The following RB1 variants were observed in gnomAD, a reference collection of about 807,000 sequenced individuals.
RB1 encodes the protein RB transcriptional corepressor 1.
Under a neutral mutation model 135.4 loss-of-function variants are expected in RB1, and 18 were observed. The observed-to-expected ratio is 0.13, with a 90% CI of 0.09 to 0.20. The LOEUF (loss-of-function observed/expected upper bound fraction) is 0.20, where lower values mean the gene tolerates loss of function less well. Ranked by LOEUF, RB1 falls within the 10% of genes least tolerant of loss-of-function variation. RB1 has a pLI of 1.00. For missense variants in RB1, 868 were observed against 1,110.0 expected, an observed-to-expected ratio of 0.78 and a Z score of 3.10; for synonymous variants, 365 against 373.2, an observed-to-expected ratio of 0.98 and a Z score of 0.25.
chr13:48,453,661 G>A (rs1949342796), intron 18 of RB1, among the ~76,000 whole-genome samples: 1 of 152,182 alleles, frequency 6.6e-6, no homozygotes, highest in Non-Finnish European at 1.5e-5. Context: ...AGTTAAGGAC[G>A]TGCCCAGGAG....
intron 2 of RB1, among the ~76,000 whole-genome samples, chr13:48,308,585 A>T (rs1162795127): frequency 6.6e-6 from 1 of 151,170 alleles, no homozygotes; most frequent in Non-Finnish European, 1.5e-5. Flanking sequence ...CCTGGGAGGC[A>T]GAGTTTGCAG....
At position 48,349,040 on chromosome 13, in the gene RB1, T is replaced by A; in HGVS notation, c.607+17T>A. 6.3e-7 allele frequency: 1 copy of A among 1,579,790 alleles called. No homozygotes were observed. The highest frequency in any genetic ancestry group is 8.6e-7 in the Non-Finnish European group (1 of 1,159,340). On this transcript the variant is annotated intron_variant, in intron 6 of 26. Coordinates refer to ENST00000267163, the MANE Select transcript of RB1 (RefSeq NM_000321.3). ...TAGCTAAAGGTAAGTTCATTATATT[T>A]ATTAAATGCTAATATTTCAAATGTA... is the stretch of plus-strand genomic sequence containing the variant.
chr13:48,342,036 C>A (rs2804084), intron 2 of RB1, among the ~76,000 whole-genome samples: 2 of 151,902 alleles, frequency 1.3e-5, no homozygotes, highest in African/African-American at 4.8e-5. Flanking sequence ...CTATATACTA[C>A]GCCAAAGGCT....
intron 26 of RB1, 134 bp downstream of exon 26, chr13:48,477,538 C>G (rs1216659599): frequency 2.7e-6 from 2 of 737,832 alleles, no homozygotes. Flanking sequence ...ATAATTCAAT[C>G]AAGGTTATTT....
At chr13:48,349,378 G>A (rs1470615585) in intron 6 of RB1, among the ~76,000 whole-genome samples, 8 of 151,382 alleles carry the variant, frequency 5.3e-5, no homozygotes, top group South Asian at 2.1e-4. Flanking sequence ...AGGGATAATC[G>A]GCATTAAAAT....
intron 2 of RB1, chr13:48,317,865 C>A: frequency 2.5e-6 from 1 of 394,346 alleles, no homozygotes; most frequent in Non-Finnish European, 4.8e-6. Flanking sequence ...TCCTGCACAG[C>A]AACTCTGGCC....
chr13:48,365,268 A>T (rs1380109947), intron 9 of RB1, among the ~76,000 whole-genome samples: 2 of 152,230 alleles, frequency 1.3e-5, no homozygotes, highest in Non-Finnish European at 2.9e-5. Context: ...AAATAGCTAA[A>T]TTTTAATAGC....
Position 48,318,571 on chromosome 13 carries a change from C to A in RB1, c.264+11165C>A, listed in dbSNP as rs758984264. Reference sequence around the variant, plus strand: ...GGGACCTCGCTGGCTTTGCCCTGGACGGGCAGGTCCCGCCCCTCATGGCCG... The same window carrying A: ...GGGACCTCGCTGGCTTTGCCCTGGAAGGGCAGGTCCCGCCCCTCATGGCCG... On this transcript the variant is annotated intron_variant, in intron 2 of 26. Coordinates refer to ENST00000267163, the MANE Select transcript of RB1 (RefSeq NM_000321.3). The A allele has an allele frequency of 3.0e-4, 196 of 662,226 alleles. 1 individual carries two copies. The highest frequency in any genetic ancestry group is 4.6e-4 in the Non-Finnish European group (176 of 385,826). The allele number at this position is 662,226 out of a possible 1,614,324, so 41.0% of individuals were successfully genotyped here.
intron 2 of RB1, among the ~76,000 whole-genome samples, chr13:48,329,801 G>A (rs1293962724): frequency 6.6e-6 from 1 of 152,124 alleles, no homozygotes. Context: ...TTAGACAGCT[G>A]ATGTCAGCAA....
chr13:48,398,430 A>G (rs568086676), intron 17 of RB1, among the ~76,000 whole-genome samples: 11 of 152,010 alleles, frequency 7.2e-5, no homozygotes, highest in African/African-American at 2.2e-4. Flanking sequence ...CACTATGTCT[A>G]TTTTTCCATT....
At chr13:48,458,405 A>T (rs771780560) in intron 19 of RB1, among the ~76,000 whole-genome samples, 23 of 152,196 alleles carry the variant, frequency 1.5e-4, no homozygotes, top group Non-Finnish European at 3.2e-4. Context: ...ATGTTCCTCC[A>T]TGATAATCTT....
chr13:48,310,417 C>T (rs1952121291), intron 2 of RB1, among the ~76,000 whole-genome samples: 1 of 152,108 alleles, frequency 6.6e-6, no homozygotes, highest in Non-Finnish European at 1.5e-5. Flanking sequence ...AACAGATATA[C>T]CATGTCCGAA....
At chr13:48,363,459 A>G (rs1255758145) in intron 8 of RB1, among the ~76,000 whole-genome samples, 1 of 152,168 alleles carries the variant, frequency 6.6e-6, no homozygotes, top group African/African-American at 2.4e-5. Context: ...TGGAAGACTG[A>G]GGCAAAAGGA....
chr13:48,400,532 TAC>T (rs1212691704), intron 17 of RB1, among the ~76,000 whole-genome samples: 2 of 152,128 alleles, frequency 1.3e-5, no homozygotes, highest in Non-Finnish European at 2.9e-5. Flanking sequence ...TTGTGAGTGT[TAC>T]TATGCTATGG....
chr13:48,412,323 G>C, intron 17 of RB1: 1 of 1,612,538 alleles, frequency 6.2e-7, no homozygotes, highest in South Asian at 1.1e-5. Context: ...AACACAATTG[G>C]ATATTAACCC....
intron 19 of RB1, among the ~76,000 whole-genome samples, chr13:48,458,998 AT>A (rs1178395012): frequency 3.3e-5 from 5 of 152,178 alleles, no homozygotes; most frequent in Non-Finnish European, 5.9e-5. Flanking sequence ...ATTTAAAAAA[AT>A]GATTATTCCT....
intron 17 of RB1, among the ~76,000 whole-genome samples, chr13:48,416,921 G>C (rs1948921128): frequency 6.6e-6 from 1 of 152,182 alleles, no homozygotes; most frequent in Non-Finnish European, 1.5e-5. Flanking sequence ...CCCCAGTCAG[G>C]GGCTTATAGA....
At chr13:48,414,428 G>A (rs530249054) in intron 17 of RB1, among the ~76,000 whole-genome samples, 76 of 151,568 alleles carry the variant, frequency 5.0e-4, no homozygotes, top group Non-Finnish European at 1.0e-3. Context: ...GTACTTAAAT[G>A]TAGGTGTTAT....
intron 17 of RB1, among the ~76,000 whole-genome samples, chr13:48,396,553 A>G (rs1948649906): frequency 6.6e-6 from 1 of 152,220 alleles, no homozygotes; most frequent in African/African-American, 2.4e-5. Flanking sequence ...CCTAGAAGAA[A>G]ACCTAGGCAA....
Sources: allele counts gnomAD v4.1 joint callset (sites outside exome capture counted in the v4.1 genomes callset), GRCh38; gene constraint gnomAD v4.1.1; transcripts MANE v1.5; gene names NCBI Gene and HGNC (gene_info 2026-07-23, HGNC 2026-07-21).